MARVELD3: variants seen among roughly 807,000 people sequenced by gnomAD.
MARVELD3 encodes the protein MARVEL domain containing 3, also known as MARVEL domain-containing protein 3.
A neutral mutation model predicts 33.5 loss-of-function variants in MARVELD3; 28 were observed. That is an observed-to-expected ratio of 0.84 (90% CI 0.62 to 1.15). The LOEUF is 1.15. Ranked by LOEUF, MARVELD3 falls within the 50% of genes most tolerant of loss-of-function variation. MARVELD3 has a pLI of 0.00. For synonymous variants in MARVELD3, 241 were observed against 230.4 expected (o/e 1.05, Z -0.42); for missense variants, 582 against 547.6 (o/e 1.06, Z -0.63).
At chr16:71,640,911 G>A (rs779033551), downstream of MARVELD3, 13 of 1,613,962 alleles carry the variant, frequency 8.1e-6, no homozygotes, top group East Asian at 4.5e-5. Context: ...CATGTACGGC[G>A]CCAGCGTGGT....
intron 2 of MARVELD3, among the ~76,000 whole-genome samples, chr16:71,631,119 A>G (rs371408258): frequency 6.6e-6 from 1 of 152,262 alleles, no homozygotes; most frequent in Non-Finnish European, 1.5e-5. Flanking sequence ...AAAGATGCAT[A>G]TGATTATAGG....
chr16:71,636,743 A>T (rs1376527646), downstream of MARVELD3, among the ~76,000 whole-genome samples: 1 of 152,078 alleles, frequency 6.6e-6, no homozygotes, highest in Non-Finnish European at 1.5e-5. Context: ...GGCCCGTGCC[A>T]CTGTGCCTGG....
chr16:71,635,333 A>T lies in MARVELD3; in HGVS notation c.*530A>T. ...GACAGAGCGAGACTCCATCTCAAAA[A>T]AAAAAAAAAGCAAAAAAACTGGACC... On this transcript the variant is annotated 3_prime_UTR_variant, in exon 3 of 3. Coordinates refer to ENST00000268485, the MANE Select transcript of MARVELD3 (RefSeq NM_052858.6). 1.0e-6 allele frequency: 1 copy of T among 985,430 alleles called. No individual in the cohort carries two copies. 61.0% of individuals were successfully genotyped at this position (985,430 alleles called of 1,614,324 possible).
rs1225146385 is a variant in MARVELD3, at chr16:71,634,292, T to TGG, written c.700_701dup (p.Ile235AlafsTer32). 3 of 1,613,982 alleles carry TGG rather than the reference T, an allele frequency of 1.9e-6. No homozygotes were observed. Among genetic ancestry groups the TGG allele is most frequent in the African/African-American group, 2.7e-5 (2 of 74,880 alleles). ...GGGGGCTACACGGGCATCACCAGCTTGGGGGGCATTTACTACTATCAGTTC... is the reference window on the plus strand; with the variant it reads ...GGGGGCTACACGGGCATCACCAGCTTGGGGGGGGCATTTACTACTATCAGTTC... On this transcript the variant is annotated frameshift_variant, in exon 3 of 3. Coordinates refer to ENST00000268485, the MANE Select transcript of MARVELD3 (RefSeq NM_052858.6). LOFTEE classifies it high-confidence loss of function.
At chr16:71,632,298 C>T (rs913840272) in intron 2 of MARVELD3, among the ~76,000 whole-genome samples, 9 of 152,226 alleles carry the variant, frequency 5.9e-5, no homozygotes, top group Admixed American at 1.3e-4. Context: ...TTTGTCAAAA[C>T]GCATCAAGCT....
At chr16:71,632,384 T>C (rs1169572733) in intron 2 of MARVELD3, among the ~76,000 whole-genome samples, 2 of 152,198 alleles carry the variant, frequency 1.3e-5, no homozygotes, top group Non-Finnish European at 2.9e-5. Context: ...AGCAGCCAGT[T>C]TTCTTTGTCC....
In MARVELD3 at chr16:71,635,590, G is replaced by C; in HGVS notation, c.*787G>C. 1.0e-6 allele frequency: 1 copy of C among 983,196 alleles called. No individual in the cohort carries two copies. Among genetic ancestry groups the C allele is most frequent in the Non-Finnish European group, 1.2e-6 (1 of 828,820 alleles). The allele number at this position is 983,196 out of a possible 1,614,324, so 60.9% of individuals were successfully genotyped here. A position where few individuals can be genotyped will look rare whatever the true frequency, so the allele number is the denominator to read the frequency against. On this transcript the variant is annotated 3_prime_UTR_variant, in exon 3 of 3. Coordinates refer to ENST00000268485, the MANE Select transcript of MARVELD3 (RefSeq NM_052858.6). ...CCACTACACTCTAGCCTGAGCAACA[G>C]ACCAAGACCGTATTGCCAAAATACC...
chr16:71,635,772 G>A lies in MARVELD3; in HGVS notation c.*969G>A, dbSNP rs1197134210. 2.3e-5 allele frequency: 23 copies of A among 985,268 alleles called. No individual in the cohort carries two copies. Among genetic ancestry groups the A allele is most frequent in the Non-Finnish European group, 2.4e-5 (20 of 829,950 alleles). The allele number at this position is 985,268 out of a possible 1,614,324, so 61.0% of individuals were successfully genotyped here. The stretch of plus-strand genomic sequence containing the variant: ...CTTCCTTAATTCTGCAAATGGAGGG[G>A]GTGGGGACTCTTGGGAAACTACTCC... On this transcript the variant is annotated 3_prime_UTR_variant, in exon 3 of 3. Transcript: ENST00000268485.
rs750245037 is a variant in MARVELD3, at chr16:71,626,415, C to T, written c.186C>T (p.Asp62=). Residue 62 remains aspartate, a synonymous_variant, in exon 1 of 3, where the codon GAC becomes GAT. Coordinates refer to ENST00000268485, the MANE Select transcript of MARVELD3 (RefSeq NM_052858.6). The surrounding 1 kb of genome is among the most constrained non-coding windows in gnomAD (Gnocchi z 5.3). ...RRDGDRDPER[D]QERDGNRDRN... ...ACGGGGACCGGGACCCGGAGAGAGA[C>T]CAGGAGAGGGACGGGAACCGCGACC... is the stretch of plus-strand genomic sequence containing the variant. 1.9e-6 allele frequency: 3 copies of T among 1,546,416 alleles called. No individual in the cohort carries two copies. The highest frequency in any genetic ancestry group is 2.4e-5 in the South Asian group (2 of 83,894).
At position 71,626,320 on chromosome 16, in the gene MARVELD3, C is replaced by T; in HGVS notation, c.91C>T (p.His31Tyr). Residue 31 changes from histidine (H) to tyrosine (Y), a missense_variant, in exon 1 of 3, where the codon CAC becomes TAC. Transcript: ENST00000268485. The surrounding 1 kb of genome is among the most constrained non-coding windows in gnomAD (Gnocchi z 5.3). Reference sequence around the variant, plus strand: ...CCCCCACCCAGACCAAGGCCGCACCCACGATCGACCGCGGGACCGACCCGG... The same window carrying T: ...CCCCCACCCAGACCAAGGCCGCACCTACGATCGACCGCGGGACCGACCCGG... ...RRPHPDQGRTHDRPRDRPGDP... is the reference protein window; with the variant it reads ...RRPHPDQGRTYDRPRDRPGDP... The T allele has an allele frequency of 6.5e-7, 1 of 1,548,334 alleles. No homozygotes were observed. The highest frequency in any genetic ancestry group is 8.7e-7 in the Non-Finnish European group (1 of 1,146,688).
rs931573527 is a variant in MARVELD3, at chr16:71,634,353, G to T, written c.756G>T (p.Gly252=). Residue 252 remains glycine, a synonymous_variant, in exon 3 of 3, where the codon GGG becomes GGT. Coordinates refer to ENST00000268485, the MANE Select transcript of MARVELD3 (RefSeq NM_052858.6). ...GAYSGFDGAD[G]EKAQQLDVQF... is the part of the protein sequence containing the mutation. ...ACAGTGGCTTTGATGGTGCTGACGGGGAGAAGGCCCAGCAACTGGATGTCC... is the reference window on the plus strand; with the variant it reads ...ACAGTGGCTTTGATGGTGCTGACGGTGAGAAGGCCCAGCAACTGGATGTCC... The T allele has an allele frequency of 6.2e-7, 1 of 1,614,152 alleles. No individual in the cohort carries two copies. The highest frequency in any genetic ancestry group is 1.7e-5 in the Admixed American group (1 of 60,012).
chr16:71,632,499 CATACTT>C (rs1281594759), intron 2 of MARVELD3, among the ~76,000 whole-genome samples: 2 of 151,868 alleles, frequency 1.3e-5, no homozygotes, highest in Non-Finnish European at 2.9e-5. Context: ...AACTTTAAGA[CATACTT>C]ATAAGTTAAA....
Position 71,626,213 on chromosome 16 carries a change from G to T in MARVELD3, c.-17G>T. 1 of 1,451,106 alleles carries T rather than the reference G, an allele frequency of 6.9e-7. No homozygotes were observed. The highest frequency in any genetic ancestry group is 1.5e-5 in the South Asian group (1 of 68,188). The allele number at this position is 1,451,106 out of a possible 1,614,324, so 89.9% of individuals were successfully genotyped here. A position where few individuals can be genotyped will look rare whatever the true frequency, so the allele number is the denominator to read the frequency against. On this transcript the variant is annotated 5_prime_UTR_variant, in exon 1 of 3. Coordinates refer to ENST00000268485, the MANE Select transcript of MARVELD3 (RefSeq NM_052858.6). This position sits in a 1 kb window ranked among gnomAD's most constrained non-coding sequence, Gnocchi z 5.3. ...TTGCCCTCAGGTCGCTCCCGGGCGG[G>T]GACACGGAACCCGGCCATGGAAGAT... is the stretch of plus-strand genomic sequence containing the variant.
chr16:71,629,782 C>T, intron 2 of MARVELD3: 1 of 419,392 alleles, frequency 2.4e-6, no homozygotes, highest in Non-Finnish European at 4.1e-6. Context: ...AGTGCAGAGG[C>T]CTGTAGGTGG....
chr16:71,629,351 T>C lies in MARVELD3; in HGVS notation c.468-16T>C, dbSNP rs765087169. On this transcript the variant is annotated splice_polypyrimidine_tract_variant and intron_variant, in intron 1 of 2. Transcript: ENST00000268485. ...TGAGACACCCCCTAATGACCATGTATGCTTTTTGGTTATAGTGAACCCCCT... is the reference window on the plus strand; with the variant it reads ...TGAGACACCCCCTAATGACCATGTACGCTTTTTGGTTATAGTGAACCCCCT... 2 of 1,528,124 alleles carry C rather than the reference T, an allele frequency of 1.3e-6. No homozygotes were observed. The highest frequency in any genetic ancestry group is 5.0e-5 in the Admixed American group (2 of 39,876). The allele number at this position is 1,528,124 out of a possible 1,614,324, so 94.7% of individuals were successfully genotyped here.
In MARVELD3 at chr16:71,626,536, G is replaced by A. The variant is rs1182718972; in HGVS notation, c.307G>A (p.Glu103Lys). The change falls in exon 1 of 3, where the codon GAA (glutamate) becomes AAA (lysine). Residue 103 changes from glutamate to lysine, a missense_variant. Physicochemically the swap from Glu to Lys is moderately conservative, Grantham distance 56. Coordinates refer to ENST00000268485, the MANE Select transcript of MARVELD3 (RefSeq NM_052858.6). This position sits in a 1 kb window ranked among gnomAD's most constrained non-coding sequence, Gnocchi z 5.3. Reference protein sequence around the residue: ...THRDAGPRAGEHGVWEKPRQS... With the variant: ...THRDAGPRAGKHGVWEKPRQS... ...CAGGGACGCGGGCCCTCGCGCAGGT[G>A]AACACGGAGTTTGGGAAAAACCGCG... is the stretch of plus-strand genomic sequence containing the variant. The A allele has an allele frequency of 3.2e-6, 5 of 1,549,630 alleles. No homozygotes were observed. In the African/African-American group the frequency reaches 6.8e-5, roughly 21 times the overall value.
At chr16:71,638,765 C>T (rs531768238), downstream of MARVELD3, 6 of 152,294 alleles carry the variant, frequency 3.9e-5, no homozygotes, top group South Asian at 1.2e-3. Context: ...CTACAGAGCT[C>T]ATTTAGGTTT....
chr16:71,640,858 G>T, downstream of MARVELD3: 1 of 1,614,146 alleles, frequency 6.2e-7, no homozygotes, highest in Admixed American at 1.7e-5. Flanking sequence ...CAGCTGGCAG[G>T]CACCGACGGA....
downstream of MARVELD3, among the ~76,000 whole-genome samples, chr16:71,640,148 A>G (rs1410649747): frequency 6.6e-6 from 1 of 151,912 alleles, no homozygotes; most frequent in Non-Finnish European, 1.5e-5. Context: ...GCGTGCCTGT[A>G]GTTCCAGCTA....
Sources: allele counts gnomAD v4.1 joint callset (sites outside exome capture counted in the v4.1 genomes callset), GRCh38; gene constraint gnomAD v4.1.1; non-coding constraint Gnocchi (gnomAD v3.1); transcripts MANE v1.5; gene names NCBI Gene and HGNC (gene_info 2026-07-23, HGNC 2026-07-21).